The following CNTN1 variants were observed in gnomAD, a reference collection of about 807,000 sequenced individuals.
CNTN1 encodes contactin 1.
CNTN1 carries 38 observed loss-of-function variants against 126.4 expected under a neutral mutation model. That is an observed-to-expected ratio of 0.30 (90% CI 0.23 to 0.39). The LOEUF (loss-of-function observed/expected upper bound fraction) is 0.39, where lower values mean the gene tolerates loss of function less well. Ranked by LOEUF, CNTN1 falls within the 10% of genes least tolerant of loss-of-function variation. CNTN1 has a pLI of 1.00. For synonymous variants in CNTN1, 413 were observed against 422.6 expected (o/e 0.98, Z 0.28); for missense variants, 1,009 against 1,248.4 (o/e 0.81, Z 2.89).
At chr12:41,034,837 A>G (rs192731992) in intron 23 of CNTN1, among the ~76,000 whole-genome samples, 1 of 152,314 alleles carries the variant, frequency 6.6e-6, no homozygotes, top group East Asian at 1.9e-4. Flanking sequence ...TGGAAGATAA[A>G]TTATTTGGAC....
intron 1 of CNTN1, among the ~76,000 whole-genome samples, chr12:40,859,174 T>C (rs934802020): frequency 6.6e-6 from 1 of 151,442 alleles, no homozygotes; most frequent in Non-Finnish European, 1.5e-5. Context: ...AAAGAGGAGA[T>C]GATGGTGAAA....
intron 23 of CNTN1, among the ~76,000 whole-genome samples, chr12:41,038,974 C>T (rs147788196): frequency 0.012 from 1,785 of 152,068 alleles, 19 homozygotes; most frequent in Non-Finnish European, 0.019. Flanking sequence ...CAGAACAGTA[C>T]GAAAGCCCTG....
intron 1 of CNTN1, among the ~76,000 whole-genome samples, chr12:40,890,344 CATT>C (rs1188565869): frequency 6.6e-6 from 1 of 152,150 alleles, no homozygotes; most frequent in Non-Finnish European, 1.5e-5. Context: ...CGCACTGATA[CATT>C]ATTATCAACT....
At chr12:40,833,567 T>G (rs552372774) in intron 1 of CNTN1, among the ~76,000 whole-genome samples, 68 of 78,194 alleles carry the variant, frequency 8.7e-4, no homozygotes, top group African/African-American at 4.2e-3. Context: ...CCAAGTCTTT[T>G]TTCTTAAAAA....
chr12:40,706,084 T>G (rs1941730905), intron 1 of CNTN1, among the ~76,000 whole-genome samples: 1 of 143,120 alleles, frequency 7.0e-6, no homozygotes, highest in Non-Finnish European at 1.5e-5. Context: ...CCAAACTATA[T>G]CATTTGATGC....
intron 17 of CNTN1, among the ~76,000 whole-genome samples, chr12:40,999,502 T>C (rs982581313): frequency 6.6e-6 from 1 of 152,058 alleles, no homozygotes; most frequent in African/African-American, 2.4e-5. Context: ...TGAGTGCAAA[T>C]AGAGCACCTA....
intron 1 of CNTN1, among the ~76,000 whole-genome samples, chr12:40,737,934 A>G (rs1294388001): frequency 1.3e-5 from 2 of 152,060 alleles, no homozygotes; most frequent in African/African-American, 4.8e-5. Context: ...TAGGAACTCT[A>G]ATATGGTTCT....
At chr12:40,727,400 G>A (rs933630604) in intron 1 of CNTN1, among the ~76,000 whole-genome samples, 24 of 151,564 alleles carry the variant, frequency 1.6e-4, no homozygotes, top group Non-Finnish European at 4.4e-5. Flanking sequence ...ATGGAATGTA[G>A]AGGATTCGTT....
At chr12:40,887,877 A>G (rs986957356) in intron 1 of CNTN1, among the ~76,000 whole-genome samples, 4 of 151,984 alleles carry the variant, frequency 2.6e-5, no homozygotes, top group Non-Finnish European at 5.9e-5. Context: ...ACATGGATGA[A>G]ACTGGAAATC....
chr12:40,911,156 C>T (rs1945013070), intron 3 of CNTN1, among the ~76,000 whole-genome samples: 2 of 151,214 alleles, frequency 1.3e-5, no homozygotes, highest in African/African-American at 2.4e-5. Flanking sequence ...TCTCGGCTCA[C>T]TGCAAGCTCC....
At chr12:40,729,173 C>A (rs963193477) in intron 1 of CNTN1, 9 of 209,468 alleles carry the variant, frequency 4.3e-5, no homozygotes, top group Admixed American at 1.3e-4. Flanking sequence ...AAAGATACTT[C>A]TCAAGTTAAA....
At chr12:41,066,210 T>C (rs1232500408) in intron 23 of CNTN1, among the ~76,000 whole-genome samples, 1 of 152,228 alleles carries the variant, frequency 6.6e-6, no homozygotes, top group Non-Finnish European at 1.5e-5. Context: ...TTTAATATTA[T>C]CTCTTTAATA....
At chr12:40,890,307 T>C (rs1334480990) in intron 1 of CNTN1, among the ~76,000 whole-genome samples, 1 of 152,178 alleles carries the variant, frequency 6.6e-6, no homozygotes, top group Non-Finnish European at 1.5e-5. Flanking sequence ...CGCACCAAAG[T>C]GGTACAGTTG....
chr12:40,915,840 C>T (rs896685350), intron 3 of CNTN1, among the ~76,000 whole-genome samples: 18 of 152,018 alleles, frequency 1.2e-4, no homozygotes, highest in African/African-American at 4.3e-4. Context: ...AATTGTTGCT[C>T]CCAACATGAC....
At chr12:41,009,617 T>C (rs530131800) in intron 17 of CNTN1, among the ~76,000 whole-genome samples, 4 of 152,322 alleles carry the variant, frequency 2.6e-5, no homozygotes, top group African/African-American at 9.6e-5. Context: ...GTAGTCTTCA[T>C]TCCCCATTGA....
At chr12:40,712,833 T>G (rs947670096) in intron 1 of CNTN1, among the ~76,000 whole-genome samples, 2 of 152,276 alleles carry the variant, frequency 1.3e-5, no homozygotes, top group African/African-American at 4.8e-5. Flanking sequence ...CATTTTGAAA[T>G]TTAATTCCCA....
intron 23 of CNTN1, among the ~76,000 whole-genome samples, chr12:41,058,892 T>C (rs1592477800): frequency 6.6e-6 from 1 of 152,296 alleles, no homozygotes; most frequent in East Asian, 1.9e-4. Context: ...GAAAAATTAT[T>C]TCTGCTGTGA....
chr12:40,841,347 A>G (rs1942272288), intron 1 of CNTN1, among the ~76,000 whole-genome samples: 1 of 152,026 alleles, frequency 6.6e-6, no homozygotes, highest in East Asian at 1.9e-4. Flanking sequence ...GAATTCAATC[A>G]TACATACAAA....
intron 1 of CNTN1, among the ~76,000 whole-genome samples, chr12:40,904,415 T>C (rs1944736674): frequency 6.7e-6 from 1 of 149,782 alleles, no homozygotes; most frequent in African/African-American, 2.4e-5. Flanking sequence ...CCTCTTTCAT[T>C]CTTTCTTTTT....
Sources: allele counts gnomAD v4.1 joint callset (sites outside exome capture counted in the v4.1 genomes callset), GRCh38; gene constraint gnomAD v4.1.1; transcripts MANE v1.5; gene names NCBI Gene and HGNC (gene_info 2026-07-23, HGNC 2026-07-21).